The following DDX10 variants were observed in gnomAD, a reference collection of about 807,000 sequenced individuals.
The protein encoded by DDX10 is DEAD-box helicase 10, also known as probable ATP-dependent RNA helicase DDX10.
In DDX10, 74 loss-of-function variants were observed where a neutral mutation model predicts 104.3. That is an observed-to-expected ratio of 0.71 (90% CI 0.59 to 0.86). The LOEUF (loss-of-function observed/expected upper bound fraction) is 0.86, where lower values mean the gene tolerates loss of function less well. Ranked by LOEUF, DDX10 falls within the 40% of genes least tolerant of loss-of-function variation. The pLI is 0.00. For missense variants in DDX10, 952 were observed against 1,040.0 expected, an observed-to-expected ratio of 0.92 and a Z score of 1.16; for synonymous variants, 351 against 353.4, an observed-to-expected ratio of 0.99 and a Z score of 0.08.
At chr11:108,682,623 G>A (rs2094237155) in intron 6 of DDX10, among the ~76,000 whole-genome samples, 1 of 151,992 alleles carries the variant, frequency 6.6e-6, no homozygotes, top group Admixed American at 6.5e-5. Context: ...TCCTACCTTT[G>A]TGTCTTCATT....
At chr11:108,922,441 T>A (rs1863847559) in intron 17 of DDX10, among the ~76,000 whole-genome samples, 1 of 151,920 alleles carries the variant, frequency 6.6e-6, no homozygotes. Context: ...CATTGACACA[T>A]ATAAATATTC....
chr11:108,722,143 A>G (rs73556716), intron 12 of DDX10, among the ~76,000 whole-genome samples: 8,162 of 152,250 alleles, frequency 0.054, 615 homozygotes, highest in African/African-American at 0.17. Context: ...AGTAAGTGGC[A>G]GCCAGATTTT....
At chr11:108,781,662 C>G (rs1565276543) in intron 13 of DDX10, among the ~76,000 whole-genome samples, 1 of 152,058 alleles carries the variant, frequency 6.6e-6, no homozygotes, top group East Asian at 1.9e-4. Flanking sequence ...AAAAGAGAAA[C>G]TAAAAGGCTG....
chr11:108,934,954 C>T (rs532613181), intron 17 of DDX10, among the ~76,000 whole-genome samples: 60 of 152,242 alleles, frequency 3.9e-4, no homozygotes, highest in African/African-American at 1.4e-3. Flanking sequence ...AAGTCGAATT[C>T]GCAGCAAAAT....
chr11:108,916,716 A>C (rs555603211), intron 16 of DDX10, among the ~76,000 whole-genome samples: 1 of 152,210 alleles, frequency 6.6e-6, no homozygotes, highest in African/African-American at 2.4e-5. Flanking sequence ...TGTTAAATGC[A>C]TGTGCCACTG....
At chr11:108,745,949 T>C (rs976612727) in intron 13 of DDX10, among the ~76,000 whole-genome samples, 1 of 152,152 alleles carries the variant, frequency 6.6e-6, no homozygotes, top group Non-Finnish European at 1.5e-5. Flanking sequence ...TCATTTAAAG[T>C]ATGTAATTTA....
At chr11:108,721,147 A>T (rs1011375012) in intron 12 of DDX10, among the ~76,000 whole-genome samples, 1 of 152,096 alleles carries the variant, frequency 6.6e-6, no homozygotes, top group Admixed American at 6.5e-5. Context: ...TAACTACAAC[A>T]TATATCTAAG....
In DDX10 at chr11:108,719,789, A is replaced by G; in HGVS notation, c.1411-8A>G. The G allele has an allele frequency of 6.4e-7, 1 of 1,556,398 alleles. No homozygotes were observed. Among genetic ancestry groups the G allele is most frequent in the Non-Finnish European group, 8.8e-7 (1 of 1,131,552 alleles). ...TTATATTGTACTTTTCAACCTCTTA[A>G]TTTACAGTGTTTCGTCTCCTATGTA... On this transcript the variant is annotated splice_polypyrimidine_tract_variant and splice_region_variant and intron_variant, in intron 11 of 17. Transcript: ENST00000322536.
Position 108,733,035 on chromosome 11 carries a change from T to C in DDX10, c.1965+9573T>C, listed in dbSNP as rs555547320. Among the ~76,000 whole-genome samples the C allele has an allele frequency of 2.0e-5, 3 of 152,226 alleles. No homozygotes were observed. In the East Asian group the frequency reaches 5.8e-4, roughly 29 times the overall value. On this transcript the variant is annotated intron_variant, in intron 13 of 17. Transcript: ENST00000322536. ...AACATAGGTCAGTTTTAATTAAGATTTGAATGATACCCATAGATTATTCAT... is the reference window on the plus strand; with the variant it reads ...AACATAGGTCAGTTTTAATTAAGATCTGAATGATACCCATAGATTATTCAT...
At chr11:108,725,138 AT>A (rs1565259443) in intron 13 of DDX10, among the ~76,000 whole-genome samples, 2 of 151,972 alleles carry the variant, frequency 1.3e-5, no homozygotes, top group Admixed American at 6.6e-5. Flanking sequence ...GCTTAACGTT[AT>A]TGCATGCATC....
At chr11:108,714,526 CTCTT>C (rs1371651469) in intron 10 of DDX10, among the ~76,000 whole-genome samples, 17 of 85,636 alleles carry the variant, frequency 2.0e-4, no homozygotes, top group East Asian at 1.2e-3. Context: ...AGAAGTCTGA[CTCTT>C]TTTTTTTTTT....
At chr11:108,699,601 G>A (rs2094264617) in intron 9 of DDX10, among the ~76,000 whole-genome samples, 1 of 152,200 alleles carries the variant, frequency 6.6e-6, no homozygotes, top group African/African-American at 2.4e-5. Flanking sequence ...AGATGAAGCA[G>A]TAATGTCTTT....
intron 13 of DDX10, 46 bp from the exon 14 acceptor site, chr11:108,838,400 C>T: frequency 6.3e-7 from 1 of 1,578,578 alleles, no homozygotes; most frequent in East Asian, 2.3e-5. Flanking sequence ...TAATATAAAG[C>T]AACCATTTTC....
intron 16 of DDX10, among the ~76,000 whole-genome samples, chr11:108,888,607 T>G (rs899309185): frequency 2.0e-5 from 3 of 152,166 alleles, no homozygotes; most frequent in Non-Finnish European, 4.4e-5. Flanking sequence ...TGTACCTGTA[T>G]TTTTGACTAG....
chr11:108,779,129 T>C (rs990900947), intron 13 of DDX10, among the ~76,000 whole-genome samples: 5 of 152,292 alleles, frequency 3.3e-5, no homozygotes, highest in Admixed American at 2.6e-4. Context: ...GACAGTGTGG[T>C]GATTCCTCAG....
rs1437605212 is a variant in DDX10 at position 108,706,728 on chromosome 11, T to C, written c.1224-11T>C. Reference sequence around the variant, plus strand: ...ATTGATGTGTTAAAGATTTTGTTTCTTTTTGTTTAGGTACAAAGAGGATGG... The same window carrying C: ...ATTGATGTGTTAAAGATTTTGTTTCCTTTTGTTTAGGTACAAAGAGGATGG... On this transcript the variant is annotated splice_polypyrimidine_tract_variant and intron_variant, in intron 9 of 17. Coordinates refer to ENST00000322536, the MANE Select transcript of DDX10 (RefSeq NM_004398.4). 1 of 1,610,448 alleles carries C rather than the reference T, an allele frequency of 6.2e-7. No homozygotes were observed. The highest frequency in any genetic ancestry group is 1.7e-5 in the Admixed American group (1 of 60,008).
At chr11:108,892,693 A>G (rs1591113504) in intron 16 of DDX10, among the ~76,000 whole-genome samples, 2 of 152,278 alleles carry the variant, frequency 1.3e-5, no homozygotes, top group South Asian at 4.1e-4. Flanking sequence ...TAAATTCATA[A>G]TAGTTTTTGT....
In DDX10 at chr11:108,722,933, T is replaced by C; in HGVS notation, c.1500-64T>C. 6 of 1,499,210 alleles carry C rather than the reference T, an allele frequency of 4.0e-6. No individual in the cohort carries two copies. The Admixed American group carries it at 1.2e-4, about 31-fold the overall frequency. The allele number at this position is 1,499,210 out of a possible 1,614,324, so 92.9% of individuals were successfully genotyped here. A position where few individuals can be genotyped will look rare whatever the true frequency, so the allele number is the denominator to read the frequency against. On this transcript the variant is annotated intron_variant, in intron 12 of 17. Coordinates refer to ENST00000322536, the MANE Select transcript of DDX10 (RefSeq NM_004398.4). ...AATCTCTGCTCTTGAGAAACTCTTC[T>C]ATGACACCTATAAACATATCATCAG... is the stretch of plus-strand genomic sequence containing the variant.
intron 17 of DDX10, among the ~76,000 whole-genome samples, chr11:108,927,556 A>T (rs1565321629): frequency 1.3e-5 from 2 of 152,110 alleles, no homozygotes; most frequent in Non-Finnish European, 2.9e-5. Flanking sequence ...CCAGCAGGAG[A>T]GAAGTTAACA....
Sources: gnomAD v4.1 joint callset for allele counts (sites outside exome capture counted in the v4.1 genomes callset) on GRCh38, gnomAD v4.1.1 for gene constraint, MANE v1.5 for transcripts, NCBI Gene and HGNC (gene_info 2026-07-23, HGNC 2026-07-21) for gene names.